MEIG1: variants seen among roughly 807,000 people sequenced by gnomAD.
The protein encoded by MEIG1 is meiosis expressed gene 1 protein homolog.
MEIG1 carries 12 observed loss-of-function variants against 11.3 expected under a neutral mutation model. The ratio of observed to expected loss-of-function variants is 1.07; its 90% CI spans 0.68 to 1.73. The LOEUF is 1.73. Among genes scored for constraint, MEIG1 ranks in the 40% most tolerant of loss-of-function variants. The pLI is 0.00. For synonymous variants in MEIG1, 41 were observed against 33.2 expected, an observed-to-expected ratio of 1.24 and a Z score of -0.81; for missense variants, 119 against 104.9, an observed-to-expected ratio of 1.13 and a Z score of -0.59.
chr10:14,960,855 C>G (rs1253431640), intron 1 of MEIG1, among the ~76,000 whole-genome samples: 1 of 151,856 alleles, frequency 6.6e-6, no homozygotes. Context: ...GGGAAAACCT[C>G]GTCTCTACTA....
At chr10:14,973,744 T>G (rs1337348662), downstream of MEIG1, among the ~76,000 whole-genome samples, 3 of 121,808 alleles carry the variant, frequency 2.5e-5, no homozygotes, top group Non-Finnish European at 4.8e-5. Context: ...CACTCCAGCC[T>G]GGGCGACAGA....
chr10:14,984,868 T>G (rs1256249223), intron 1 of MEIG1, among the ~76,000 whole-genome samples: 2 of 151,626 alleles, frequency 1.3e-5, no homozygotes, highest in African/African-American at 2.4e-5. Context: ...TACTCGTAAT[T>G]CACAGGTCCT....
At chr10:14,986,043 C>T (rs1843315167) in intron 1 of MEIG1, among the ~76,000 whole-genome samples, 1 of 152,046 alleles carries the variant, frequency 6.6e-6, no homozygotes, top group South Asian at 2.1e-4. Context: ...TGGGTGTACC[C>T]CATGTGTGTA....
In MEIG1 at chr10:14,966,980, C is replaced by T. The variant is rs569501266; in HGVS notation, c.138+374C>T. 1.5e-4 allele frequency among the ~76,000 whole-genome samples: 23 copies of T among 152,232 alleles called. 1 individual carries two copies. The highest frequency in any genetic ancestry group is 7.9e-4 in the Admixed American group (12 of 15,282). On this transcript the variant is annotated intron_variant, in intron 2 of 2. Transcript: ENST00000407572. ...AACTCCTGACCTCAAGTGATCCACGCGCCTAAGCCTTCCAGAGTGCTAGGA... is the reference window on the plus strand; with the variant it reads ...AACTCCTGACCTCAAGTGATCCACGTGCCTAAGCCTTCCAGAGTGCTAGGA...
chr10:14,984,129 C>T (rs897367596), intron 1 of MEIG1, among the ~76,000 whole-genome samples: 7 of 151,908 alleles, frequency 4.6e-5, no homozygotes, highest in African/African-American at 1.5e-4. Flanking sequence ...TTGACAATAC[C>T]GTCAACACGC....
chr10:14,980,926 T>G (rs1373561188), intron 1 of MEIG1, among the ~76,000 whole-genome samples: 2 of 152,162 alleles, frequency 1.3e-5, no homozygotes, highest in Non-Finnish European at 2.9e-5. Context: ...GTGGACGGGT[T>G]AGGTACTGTT....
At chr10:14,982,719 C>T (rs770456644) in intron 1 of MEIG1, among the ~76,000 whole-genome samples, 2 of 151,840 alleles carry the variant, frequency 1.3e-5, no homozygotes, top group Non-Finnish European at 2.9e-5. Flanking sequence ...GCAATGTTAC[C>T]GCAATTAATA....
downstream of MEIG1, among the ~76,000 whole-genome samples, chr10:14,975,641 G>T (rs887343184): frequency 2.0e-5 from 3 of 152,024 alleles, no homozygotes; most frequent in Non-Finnish European, 4.4e-5. Flanking sequence ...AACGCAGGGT[G>T]TGTACAGCCC....
chr10:14,959,086 G>A (rs1241550659), upstream of MEIG1, among the ~76,000 whole-genome samples: 1 of 152,186 alleles, frequency 6.6e-6, no homozygotes, highest in Non-Finnish European at 1.5e-5. Flanking sequence ...CCTCGCAAAT[G>A]AATAGATAGG....
downstream of MEIG1, among the ~76,000 whole-genome samples, chr10:14,975,170 C>A (rs1409476496): frequency 1.3e-5 from 2 of 152,082 alleles, no homozygotes; most frequent in African/African-American, 4.8e-5. Flanking sequence ...GCTATTACTC[C>A]CGGTATCACA....
chr10:14,971,067 T>C (rs151228349), intron 2 of MEIG1, among the ~76,000 whole-genome samples: 2 of 152,030 alleles, frequency 1.3e-5, no homozygotes, highest in Non-Finnish European at 2.9e-5. Context: ...AAAAAGTAGA[T>C]AAACCAATAT....
chr10:14,956,104 A>G (rs1389069341), upstream of MEIG1, among the ~76,000 whole-genome samples: 4 of 152,214 alleles, frequency 2.6e-5, no homozygotes, highest in Non-Finnish European at 4.4e-5. Context: ...AACAAAGGGA[A>G]ATAGAGTCAG....
intron 2 of MEIG1, among the ~76,000 whole-genome samples, chr10:14,970,738 T>A (rs1427815065): frequency 6.6e-6 from 1 of 152,216 alleles, no homozygotes; most frequent in Non-Finnish European, 1.5e-5. Context: ...TGGACACAGA[T>A]GGTATATTCA....
chr10:14,959,913 C>G (rs1399842973), intron 1 of MEIG1, among the ~76,000 whole-genome samples: 1 of 152,216 alleles, frequency 6.6e-6, no homozygotes, highest in Non-Finnish European at 1.5e-5. Context: ...TCATCTCCCA[C>G]ACAGTTAGTG....
At chr10:14,969,283 C>CA in intron 2 of MEIG1, among the ~76,000 whole-genome samples, 1 of 151,480 alleles carries the variant, frequency 6.6e-6, no homozygotes, top group Non-Finnish European at 1.5e-5. Context: ...CCCATTTCTA[C>CA]AAAAAACTTT....
At chr10:14,983,709 T>C (rs1010069296) in intron 1 of MEIG1, among the ~76,000 whole-genome samples, 3 of 151,084 alleles carry the variant, frequency 2.0e-5, no homozygotes, top group African/African-American at 7.3e-5. Flanking sequence ...CTCTGTGATA[T>C]TTTTTGTAAT....
rs1489380283 is a variant in MEIG1, at chr10:14,959,569, C to G, written c.-30+12C>G. On this transcript the variant is annotated intron_variant, in intron 1 of 2. Transcript: ENST00000407572. ...AGCCGGACCCAGGGGTGGGTGGATG[C>G]GTCGCTGGAGGCGAGGGCCCTGCCC... 1 of 152,312 alleles carries G rather than the reference C, an allele frequency of 6.6e-6. No individual in the cohort carries two copies. The highest frequency in any genetic ancestry group is 6.5e-5 in the Admixed American group (1 of 15,290). The allele number at this position is 152,312 out of a possible 1,614,324, so 9.4% of individuals were successfully genotyped here.
At chr10:14,978,243 G>C (rs1843230967) in intron 1 of MEIG1, among the ~76,000 whole-genome samples, 1 of 151,842 alleles carries the variant, frequency 6.6e-6, no homozygotes, top group Non-Finnish European at 1.5e-5. Flanking sequence ...CTAAGACCCA[G>C]GGATATATTA....
chr10:14,966,343 T>A (rs1843083812), intron 1 of MEIG1, 97 bp from the exon 2 acceptor site: 1 of 735,382 alleles, frequency 1.4e-6, no homozygotes, highest in South Asian at 2.0e-5. Context: ...ATTACAGGTG[T>A]GAGCCACCGC....
Sources: allele counts gnomAD v4.1 joint callset (sites outside exome capture counted in the v4.1 genomes callset), GRCh38; gene constraint gnomAD v4.1.1; transcripts MANE v1.5; gene names NCBI Gene and HGNC (gene_info 2026-07-23, HGNC 2026-07-21).